Variants in TTLL5 observed in about 807,000 individuals in gnomAD.
TTLL5 encodes the protein tubulin polyglutamylase TTLL5.
Under a neutral mutation model 168.4 loss-of-function variants are expected in TTLL5, and 132 were observed. The ratio of observed to expected loss-of-function variants is 0.78; its 90% CI spans 0.68 to 0.91. TTLL5 has a LOEUF of 0.91. Among genes scored for constraint, TTLL5 ranks in the 40% least tolerant of loss-of-function variants. The pLI, the probability that TTLL5 is intolerant of heterozygous loss-of-function variation, is 0.00. For missense variants in TTLL5, 1,545 were observed against 1,581.5 expected (o/e 0.98, Z 0.39); for synonymous variants, 546 against 558.6 (o/e 0.98, Z 0.32).
intron 28 of TTLL5, among the ~76,000 whole-genome samples, chr14:75,860,729 T>G (rs1595164307): frequency 1.3e-5 from 2 of 152,200 alleles, no homozygotes; most frequent in South Asian, 4.2e-4. Context: ...GATACCTTTC[T>G]TGGTGGCTCC....
chr14:75,941,843 C>CTTTTTTT (rs71122506), intron 31 of TTLL5, among the ~76,000 whole-genome samples: 1 of 69,404 alleles, frequency 1.4e-5, no homozygotes, highest in Non-Finnish European at 2.6e-5. Context: ...TCATGATGAA[C>CTTTTTTT]TTTTTTTTTT....
chr14:75,714,655 A>G (rs142524282), intron 9 of TTLL5, among the ~76,000 whole-genome samples: 8 of 152,242 alleles, frequency 5.3e-5, no homozygotes, highest in Non-Finnish European at 1.0e-4. Flanking sequence ...GGCCAGTGGG[A>G]GACCTCTCAA....
At chr14:75,724,391 C>A (rs1184588868) in intron 12 of TTLL5, among the ~76,000 whole-genome samples, 1 of 152,140 alleles carries the variant, frequency 6.6e-6, no homozygotes, top group Non-Finnish European at 1.5e-5. Context: ...TCCTCTCAAA[C>A]CAAATTTTAT....
At chr14:75,797,598 A>G (rs1005248909) in intron 27 of TTLL5, among the ~76,000 whole-genome samples, 24 of 151,982 alleles carry the variant, frequency 1.6e-4, no homozygotes, top group African/African-American at 4.1e-4. Context: ...TTTTATGCCA[A>G]TTTTGTTGAG....
intron 27 of TTLL5, among the ~76,000 whole-genome samples, chr14:75,796,290 G>T (rs1324012195): frequency 6.6e-6 from 1 of 151,898 alleles, no homozygotes; most frequent in Non-Finnish European, 1.5e-5. Flanking sequence ...TTTTCTTGCT[G>T]ATTTGTTTGA....
At chr14:75,713,619 T>C (rs1180481413) in intron 9 of TTLL5, among the ~76,000 whole-genome samples, 1 of 152,188 alleles carries the variant, frequency 6.6e-6, no homozygotes, top group East Asian at 1.9e-4. Flanking sequence ...TGAAATTTGA[T>C]AATATGTGAT....
intron 28 of TTLL5, among the ~76,000 whole-genome samples, chr14:75,861,343 C>T (rs576231425): frequency 1.3e-5 from 2 of 152,030 alleles, no homozygotes; most frequent in African/African-American, 2.4e-5. Context: ...AGCAGAGGCC[C>T]GAAAAGACCA....
chr14:75,684,833 C>T (rs1566813701), intron 5 of TTLL5: 2 of 152,126 alleles, frequency 1.3e-5, no homozygotes, highest in South Asian at 2.1e-4. Context: ...GTGTGGCAGT[C>T]TGAGGGAGGC....
intron 31 of TTLL5, among the ~76,000 whole-genome samples, chr14:75,911,197 T>A (rs556273469): frequency 9.9e-5 from 15 of 152,206 alleles, no homozygotes; most frequent in Non-Finnish European, 1.8e-4. Flanking sequence ...ATGGCTAATT[T>A]TTTTTTTTAA....
intron 7 of TTLL5, among the ~76,000 whole-genome samples, chr14:75,701,218 C>A (rs1594893320): frequency 6.6e-6 from 1 of 152,166 alleles, no homozygotes; most frequent in East Asian, 1.9e-4. Context: ...ATAATGGATG[C>A]AGTTTGCCTG....
intron 29 of TTLL5, among the ~76,000 whole-genome samples, chr14:75,867,692 G>A (rs561979094): frequency 2.6e-4 from 39 of 151,810 alleles, no homozygotes; most frequent in Middle Eastern, 3.4e-3. Flanking sequence ...CCCGGGAGGC[G>A]GAGGTTGCAG....
At chr14:75,751,895 C>T (rs1369684773) in intron 17 of TTLL5, among the ~76,000 whole-genome samples, 1 of 152,134 alleles carries the variant, frequency 6.6e-6, no homozygotes, top group Non-Finnish European at 1.5e-5. Context: ...AGAGCAGCCC[C>T]GAGGGCCGCT....
At chr14:75,779,781 T>TA in intron 24 of TTLL5, 79 bp downstream of exon 24, 1 of 1,454,456 alleles carries the variant, frequency 6.9e-7, no homozygotes, top group Non-Finnish European at 9.3e-7. Context: ...TGAGGAATAA[T>TA]GTGTTGGCTA....
At chr14:75,666,716 T>C (rs899241764) in intron 2 of TTLL5, among the ~76,000 whole-genome samples, 1 of 152,172 alleles carries the variant, frequency 6.6e-6, no homozygotes, top group Non-Finnish European at 1.5e-5. Context: ...GGTAGTGGTA[T>C]GAAGACAGCC....
chr14:75,904,128 A>T (rs1202944826), intron 31 of TTLL5: 1 of 1,273,216 alleles, frequency 7.9e-7, no homozygotes, highest in Non-Finnish European at 1.0e-6. Context: ...GAGTATAAGG[A>T]TGTGTTCTCC....
At chr14:75,669,319 A>G (rs892598137) in intron 2 of TTLL5, 97 bp from the exon 3 acceptor site, 34 of 1,072,148 alleles carry the variant, frequency 3.2e-5, no homozygotes, top group Non-Finnish European at 4.2e-5. Flanking sequence ...TCCAGAAGGA[A>G]GGGGAAACTT....
At chr14:75,896,289 G>A (rs1246832058) in intron 30 of TTLL5, among the ~76,000 whole-genome samples, 1 of 152,146 alleles carries the variant, frequency 6.6e-6, no homozygotes, top group Non-Finnish European at 1.5e-5. Context: ...ATGTTTGGTA[G>A]GAAAAGTCAG....
At chr14:75,841,190 G>A (rs1896216907) in intron 28 of TTLL5, among the ~76,000 whole-genome samples, 1 of 152,182 alleles carries the variant, frequency 6.6e-6, no homozygotes. Context: ...ATTTCAACAT[G>A]AGATTTGGAG....
chr14:75,942,616 C>T lies in TTLL5; in HGVS notation c.3824-11808C>T, dbSNP rs182938203. Among the ~76,000 whole-genome samples the T allele has an allele frequency of 3.2e-3, 482 of 152,320 alleles. 2 individuals are homozygous for T. Among genetic ancestry groups the T allele is most frequent in the African/African-American group, 0.011 (465 of 41,572 alleles). On this transcript the variant is annotated intron_variant, in intron 31 of 31. Coordinates refer to ENST00000298832, the MANE Select transcript of TTLL5 (RefSeq NM_015072.5). The stretch of plus-strand genomic sequence containing the variant: ...GGTAACTTATGCTTCCAAATGAGCA[C>T]GACATGTGAATCTGCTCTTGGCTTC...
Sources: allele counts gnomAD v4.1 joint callset (sites outside exome capture counted in the v4.1 genomes callset), GRCh38; gene constraint gnomAD v4.1.1; transcripts MANE v1.5; gene names NCBI Gene and HGNC (gene_info 2026-07-23, HGNC 2026-07-21).